Variants in SATB1 observed in about 807,000 individuals in gnomAD.
SATB1 encodes DNA-binding protein SATB1.
A neutral mutation model predicts 86.9 loss-of-function variants in SATB1; 11 were observed. That is an observed-to-expected ratio of 0.13 (90% confidence interval 0.08 to 0.21). The LOEUF is 0.21. SATB1 is among the 10% of genes least tolerant of loss of function. The pLI is 1.00. For missense variants in SATB1, 551 were observed against 937.6 expected, an observed-to-expected ratio of 0.59 and a Z score of 5.39; for synonymous variants, 357 against 357.2, an observed-to-expected ratio of 1.00 and a Z score of 0.01.
At chr3:18,399,381 T>C (rs1697132570) in intron 5 of SATB1, among the ~76,000 whole-genome samples, 1 of 152,190 alleles carries the variant, frequency 6.6e-6, no homozygotes, top group Admixed American at 6.6e-5. Flanking sequence ...TACTATCTAT[T>C]AAGAACACAG....
chr3:18,424,633 G>C lies in SATB1; in HGVS notation c.-1031C>G, dbSNP rs532967878. On this transcript the variant is annotated 5_prime_UTR_variant, in exon 1 of 11. Coordinates refer to ENST00000338745, the MANE Select transcript of SATB1 (RefSeq NM_002971.6). ...GAAGGCACCCCCAGCCACCTCCACC[G>C]CCTAGGCAGCGACAAACTCCCCGCC... is the stretch of plus-strand genomic sequence containing the variant. 3 of 152,276 alleles carry C rather than the reference G, an allele frequency of 2.0e-5. No homozygotes were observed. Among genetic ancestry groups the C allele is most frequent in the South Asian group, 4.2e-4 (2 of 4,814 alleles). The allele number at this position is 152,276 out of a possible 1,614,324, so 9.4% of individuals were successfully genotyped here. A position where few individuals can be genotyped will look rare whatever the true frequency, so the allele number is the denominator to read the frequency against.
At position 18,349,184 on chromosome 3, in the gene SATB1, C is replaced by A; in HGVS notation, c.2278G>T (p.Asp760Tyr). The A allele has an allele frequency of 6.2e-7, 1 of 1,613,116 alleles. No individual in the cohort carries two copies. Among genetic ancestry groups the A allele is most frequent in the South Asian group, 1.1e-5 (1 of 90,944 alleles). Residue 760 changes from aspartate to tyrosine, a missense_variant, in exon 11 of 11, where the codon GAT (aspartate) becomes TAT (tyrosine). Around this residue, in one of 8 missense-constraint regions of SATB1, gnomAD observed 41 missense variants for 38.9 expected, o/e 1.06. Transcript: ENST00000338745. This position sits in a 1 kb window ranked among gnomAD's most constrained non-coding sequence, Gnocchi z 5.5. The stretch of plus-strand genomic sequence containing the variant: ...ATACTTTTATCTCAGTCTTTCAAAT[C>A]AGTATTAATGTCTGTGTTTCCTTCC... ...SVEGNTDINT[D>Y]LKD
intron 5 of SATB1, among the ~76,000 whole-genome samples, chr3:18,400,094 A>G (rs1200736986): frequency 6.6e-6 from 1 of 152,118 alleles, no homozygotes; most frequent in Admixed American, 6.6e-5. Context: ...TTAGAATATC[A>G]GGAAAAAAAC....
chr3:18,406,418 A>C (rs1697537212), intron 5 of SATB1, among the ~76,000 whole-genome samples: 1 of 152,072 alleles, frequency 6.6e-6, no homozygotes, highest in South Asian at 2.1e-4. Context: ...GAATATGAGA[A>C]GAAAATAAAC....
intron 2 of SATB1, among the ~76,000 whole-genome samples, chr3:18,432,791 T>C (rs188696821): frequency 7.3e-6 from 1 of 137,606 alleles, no homozygotes; most frequent in African/African-American, 3.0e-5. Context: ...TATTTTACCA[T>C]ATAAACATTT....
intron 10 of SATB1, chr3:18,351,244 TG>T: frequency 7.6e-7 from 1 of 1,319,332 alleles, no homozygotes; most frequent in African/African-American, 1.4e-5. Flanking sequence ...AATCCTGACC[TG>T]GGGAGCAGGT....
At chr3:18,442,187 G>A (rs1699260347), upstream of SATB1, among the ~76,000 whole-genome samples, 1 of 151,108 alleles carries the variant, frequency 6.6e-6, no homozygotes, top group Admixed American at 6.6e-5. Flanking sequence ...CCCCCATCCT[G>A]CCCTCCCACC....
At chr3:18,390,548 G>C (rs913868737) in intron 7 of SATB1, among the ~76,000 whole-genome samples, 3 of 152,186 alleles carry the variant, frequency 2.0e-5, no homozygotes, top group Admixed American at 6.5e-5. Flanking sequence ...TATGGATAGT[G>C]GACTTTTCTT....
intron 5 of SATB1, among the ~76,000 whole-genome samples, chr3:18,406,065 C>T (rs1342006764): frequency 2.0e-5 from 3 of 151,950 alleles, no homozygotes; most frequent in Non-Finnish European, 4.4e-5. Flanking sequence ...ATAAAGAGCT[C>T]CATCCATCAC....
At chr3:18,367,523 G>A (rs1012668051) in intron 9 of SATB1, among the ~76,000 whole-genome samples, 5 of 152,146 alleles carry the variant, frequency 3.3e-5, no homozygotes, top group Non-Finnish European at 7.4e-5. Flanking sequence ...ATTCTTCATC[G>A]GTGACTTGTT....
chr3:18,392,548 C>CATATATACATAT (rs1696731819), intron 7 of SATB1, among the ~76,000 whole-genome samples: 1 of 147,070 alleles, frequency 6.8e-6, no homozygotes, highest in African/African-American at 2.4e-5. Flanking sequence ...TATATATACA[C>CATATATACATAT]ATATATACAT....
chr3:18,405,680 T>C (rs79947757), intron 5 of SATB1, among the ~76,000 whole-genome samples: 3,117 of 151,998 alleles, frequency 0.021, 100 homozygotes, highest in African/African-American at 0.071. Flanking sequence ...ATAAAACCTA[T>C]GAAAGCTGTC....
chr3:18,409,881 T>C (rs954503938), intron 5 of SATB1, among the ~76,000 whole-genome samples: 4 of 151,842 alleles, frequency 2.6e-5, no homozygotes, highest in South Asian at 2.1e-4. Context: ...ATGACTGGAG[T>C]CTGTATTTTC....
intron 9 of SATB1, among the ~76,000 whole-genome samples, chr3:18,377,406 G>T (rs905383692): frequency 5.3e-5 from 8 of 152,112 alleles, no homozygotes; most frequent in African/African-American, 1.9e-4. Flanking sequence ...TTGGAGAAGG[G>T]TTTATAGATA....
chr3:18,415,962 C>A, intron 4 of SATB1, 45 bp downstream of exon 4: 1 of 1,501,076 alleles, frequency 6.7e-7, no homozygotes, highest in African/African-American at 1.4e-5. Context: ...TTCAAAAGAC[C>A]AGGTAAGAAG....
intron 9 of SATB1, among the ~76,000 whole-genome samples, chr3:18,358,972 C>T (rs28419650): frequency 0.017 from 2,583 of 152,006 alleles, 45 homozygotes; most frequent in African/African-American, 0.034. Flanking sequence ...TTAAACACCT[C>T]TACCAGAGTT....
intron 6 of SATB1, among the ~76,000 whole-genome samples, chr3:18,396,599 A>G (rs1195060896): frequency 6.6e-6 from 1 of 152,188 alleles, no homozygotes; most frequent in Non-Finnish European, 1.5e-5. Context: ...GTTATGTGTT[A>G]AGATAGAATG....
chr3:18,379,097 C>T (rs1479919342), intron 8 of SATB1, among the ~76,000 whole-genome samples: 1 of 152,096 alleles, frequency 6.6e-6, no homozygotes, highest in African/African-American at 2.4e-5. Flanking sequence ...AGTGACTTTA[C>T]TAATATATTC....
At chr3:18,399,328 C>G (rs1363680747) in intron 5 of SATB1, among the ~76,000 whole-genome samples, 4 of 152,054 alleles carry the variant, frequency 2.6e-5, no homozygotes, top group African/African-American at 9.7e-5. Context: ...GATGAGGCAC[C>G]TGTCATCCAA....
Sources: allele counts gnomAD v4.1 joint callset (sites outside exome capture counted in the v4.1 genomes callset), GRCh38; gene constraint gnomAD v4.1.1; regional missense constraint gnomAD v4.1.1; non-coding constraint Gnocchi (gnomAD v3.1); transcripts MANE v1.5; gene names NCBI Gene and HGNC (gene_info 2026-07-23, HGNC 2026-07-21).